The following CASZ1 variants were observed in gnomAD, a reference collection of about 807,000 sequenced individuals.
The protein encoded by CASZ1 is castor zinc finger 1.
A neutral mutation model predicts 135.2 loss-of-function variants in CASZ1; 28 were observed. The observed-to-expected ratio is 0.21, with a 90% CI of 0.15 to 0.28. CASZ1 has a LOEUF of 0.28. CASZ1 is among the 10% of genes least tolerant of loss of function. The probability of loss-of-function intolerance (pLI) is 1.00; values close to 1 mark genes in which losing one functional copy is unlikely to be tolerated. For synonymous variants in CASZ1, 1,068 were observed against 1,073.4 expected, an observed-to-expected ratio of 0.99 and a Z score of 0.10; for missense variants, 2,161 against 2,453.3, an observed-to-expected ratio of 0.88 and a Z score of 2.52.
In CASZ1 at chr1:10,659,851, G is replaced by A. The variant is rs141586663; in HGVS notation, c.1191C>T (p.Pro397=). The A allele has an allele frequency of 2.7e-5, 44 of 1,612,148 alleles. No individual in the cohort carries two copies. Among genetic ancestry groups the A allele is most frequent in the South Asian group, 1.8e-4 (16 of 90,946 alleles). Residue 397 remains proline (P), a synonymous_variant, in exon 6 of 21, where the codon CCC becomes CCT. Transcript: ENST00000377022. ...AKVPPTPSLA[P]APLASVPSAP... is the part of the protein sequence containing the mutation. ...CACTGGGCACGCTGGCGAGGGGTGC[G>A]GGAGCCAGGCTGGGGGTGGGCGGAA... is the stretch of plus-strand genomic sequence containing the variant.
At chr1:10,763,427 T>C (rs1017893103) in intron 1 of CASZ1, among the ~76,000 whole-genome samples, 1 of 152,140 alleles carries the variant, frequency 6.6e-6, no homozygotes, top group African/African-American at 2.4e-5. Flanking sequence ...TGCCTAAGAC[T>C]TCCCTCCTAC....
rs922859171 is a variant in CASZ1 at position 10,719,585 on chromosome 1, C to T, written c.-76-14041G>A. On this transcript the variant is annotated intron_variant, in intron 2 of 20. Coordinates refer to ENST00000377022, the MANE Select transcript of CASZ1 (RefSeq NM_001079843.3). This position sits in a 1 kb window ranked among gnomAD's most constrained non-coding sequence, Gnocchi z 4.0. ...GGTCCACCTGGAGCACGAGGAGAGG[C>T]TGGCCACCTGTAGGGCATGGGGAAC... Among the ~76,000 whole-genome samples, 1 of 152,210 alleles carries T rather than the reference C, an allele frequency of 6.6e-6. No individual in the cohort carries two copies. The highest frequency in any genetic ancestry group is 2.4e-5 in the African/African-American group (1 of 41,462).
chr1:10,773,375 A>G (rs1165641392), intron 1 of CASZ1, among the ~76,000 whole-genome samples: 2 of 131,364 alleles, frequency 1.5e-5, no homozygotes, highest in African/African-American at 5.6e-5. Flanking sequence ...GGGCAGAGAC[A>G]GGAAGGGAGG....
intron 2 of CASZ1, among the ~76,000 whole-genome samples, chr1:10,753,675 G>C (rs1370508282): frequency 6.6e-6 from 1 of 152,192 alleles, no homozygotes; most frequent in Non-Finnish European, 1.5e-5. Context: ...ACCGGGGAAA[G>C]GAGGCCCAGG....
intron 3 of CASZ1, among the ~76,000 whole-genome samples, chr1:10,702,729 G>A (rs1316810270): frequency 2.6e-5 from 4 of 152,170 alleles, no homozygotes; most frequent in African/African-American, 4.8e-5. Flanking sequence ...CCCTGCCAGC[G>A]GGGGAAGTGG....
chr1:10,683,266 A>G (rs988709678), intron 4 of CASZ1, among the ~76,000 whole-genome samples: 6 of 151,886 alleles, frequency 4.0e-5, no homozygotes, highest in Non-Finnish European at 8.8e-5. Context: ...AATCTTCCCC[A>G]CCTCCTAAAG....
At chr1:10,684,854 G>C (rs1443707918) in intron 4 of CASZ1, among the ~76,000 whole-genome samples, 1 of 152,212 alleles carries the variant, frequency 6.6e-6, no homozygotes. Context: ...TCTCCCATCT[G>C]TAGGTTTTGA....
chr1:10,730,493 G>T (rs749796953), intron 2 of CASZ1, among the ~76,000 whole-genome samples: 5 of 152,180 alleles, frequency 3.3e-5, no homozygotes, highest in Non-Finnish European at 7.3e-5. Context: ...ACATGGACCC[G>T]TGTGACTGAG....
intron 1 of CASZ1, among the ~76,000 whole-genome samples, chr1:10,772,649 T>C (rs1640596335): frequency 6.6e-6 from 1 of 152,018 alleles, no homozygotes. Context: ...CTCGGCCAGT[T>C]TAACGAGGGC....
chr1:10,740,072 C>T (rs1639883438), intron 2 of CASZ1, among the ~76,000 whole-genome samples: 1 of 152,228 alleles, frequency 6.6e-6, no homozygotes. Flanking sequence ...CCCCCCTGGC[C>T]AGCACCAGCC....
intron 5 of CASZ1, among the ~76,000 whole-genome samples, 181 bp downstream of exon 5, chr1:10,664,902 C>T (rs1434886283): frequency 6.7e-6 from 1 of 148,676 alleles, no homozygotes; most frequent in Non-Finnish European, 1.5e-5. Context: ...CTTCCCTTCT[C>T]ACCTGGGGTG....
intron 2 of CASZ1, among the ~76,000 whole-genome samples, chr1:10,746,374 G>T (rs1640040752): frequency 6.6e-6 from 1 of 152,202 alleles, no homozygotes; most frequent in African/African-American, 2.4e-5. Context: ...AATTGCCAAA[G>T]ATCCAAATAA....
chr1:10,644,737 G>A (rs1642312328), intron 18 of CASZ1, among the ~76,000 whole-genome samples, 180 bp downstream of exon 18: 1 of 152,226 alleles, frequency 6.6e-6, no homozygotes, highest in Non-Finnish European at 1.5e-5. Context: ...GGCTTTGTGG[G>A]TTTGGACTGT....
rs906631085 is a variant in CASZ1 at position 10,707,902 on chromosome 1, A to G, written c.-76-2358T>C. 6.6e-5 allele frequency among the ~76,000 whole-genome samples: 10 copies of G among 152,200 alleles called. No individual in the cohort carries two copies. Among genetic ancestry groups the G allele is most frequent in the Admixed American group, 6.5e-4 (10 of 15,286 alleles). On this transcript the variant is annotated intron_variant, in intron 2 of 20. Coordinates refer to ENST00000377022, the MANE Select transcript of CASZ1 (RefSeq NM_001079843.3). This position sits in a 1 kb window ranked among gnomAD's most constrained non-coding sequence, Gnocchi z 5.0. ...GAGAGGCACAGTACTGGGAAGACCC[A>G]GAGGACAGCAGGGGCCCTACACTCA...
intron 4 of CASZ1, among the ~76,000 whole-genome samples, chr1:10,681,004 G>T (rs1349888630): frequency 2.0e-5 from 3 of 152,088 alleles, no homozygotes; most frequent in Non-Finnish European, 1.5e-5. Flanking sequence ...GGATTCAAGC[G>T]ATTCTCCTGC....
At chr1:10,715,340 C>T (rs1276789207) in intron 2 of CASZ1, among the ~76,000 whole-genome samples, 1 of 152,100 alleles carries the variant, frequency 6.6e-6, no homozygotes, top group African/African-American at 2.4e-5. Flanking sequence ...AGAAGCAGTC[C>T]TGTACCCGCG....
At chr1:10,645,182 T>A in intron 17 of CASZ1, 94 bp from the exon 18 acceptor site, 1 of 1,058,732 alleles carries the variant, frequency 9.4e-7, no homozygotes, top group South Asian at 1.5e-5. Context: ...CCTTGGCACA[T>A]GTGTTCTTCT....
chr1:10,728,793 G>A (rs953568582), intron 2 of CASZ1, among the ~76,000 whole-genome samples: 1 of 151,882 alleles, frequency 6.6e-6, no homozygotes, highest in Admixed American at 6.6e-5. Flanking sequence ...TGCACAAAGG[G>A]GAATGGCTTT....
In CASZ1 at chr1:10,649,402, C is replaced by T. The variant is rs1157543556; in HGVS notation, c.2916G>A (p.Leu972=). 2.5e-6 allele frequency: 4 copies of T among 1,611,210 alleles called. No individual in the cohort carries two copies. The highest frequency in any genetic ancestry group is 3.4e-6 in the Non-Finnish European group (4 of 1,179,126). The change falls in exon 14 of 21, where the codon CTG becomes CTA. Residue 972 remains leucine, a synonymous_variant. Transcript: ENST00000377022. ...SQGNPGLGSL[L]NIKAEAEGSP... ...TCCCCTCCGCTTCCGCCTTGATGTT[C>T]AGCAGGCTGCCCAGGCCAGGGTTGC...
Sources: allele counts gnomAD v4.1 joint callset (sites outside exome capture counted in the v4.1 genomes callset), GRCh38; gene constraint gnomAD v4.1.1; non-coding constraint Gnocchi (gnomAD v3.1); transcripts MANE v1.5; gene names NCBI Gene and HGNC (gene_info 2026-07-23, HGNC 2026-07-21).